SLC12A8: variants seen among roughly 807,000 people sequenced by gnomAD.
SLC12A8 encodes solute carrier family 12 member 8.
In SLC12A8, 69 loss-of-function variants were observed where a neutral mutation model predicts 75.6. The ratio of observed to expected loss-of-function variants is 0.91; its 90% CI spans 0.75 to 1.11. SLC12A8 has a LOEUF of 1.11. Among genes scored for constraint, SLC12A8 ranks in the 50% most tolerant of loss-of-function variants. The pLI, the probability that SLC12A8 is intolerant of heterozygous loss-of-function variation, is 0.00. For synonymous variants in SLC12A8, 365 were observed against 372.8 expected, an observed-to-expected ratio of 0.98 and a Z score of 0.24; for missense variants, 877 against 896.7, an observed-to-expected ratio of 0.98 and a Z score of 0.28.
chr3:125,145,288 TG>T (rs1933745175), intron 5 of SLC12A8, among the ~76,000 whole-genome samples: 1 of 152,156 alleles, frequency 6.6e-6, no homozygotes, highest in Admixed American at 6.5e-5. Flanking sequence ...ATGAGCCAGG[TG>T]GGGGCAGGCA....
At chr3:125,197,902 G>A (rs755304476) in intron 2 of SLC12A8, among the ~76,000 whole-genome samples, 7 of 152,180 alleles carry the variant, frequency 4.6e-5, no homozygotes, top group Non-Finnish European at 1.0e-4. Context: ...GGATTAATGA[G>A]GAAGAGGGTA....
rs140276381 is a variant in SLC12A8, at chr3:125,204,865, A to G, written c.51+6434T>C. The stretch of plus-strand genomic sequence containing the variant: ...CCATAAATACGTATAATTATTATAT[A>G]TCAACTTAAAAATGTTTTAAAATCT... On this transcript the variant is annotated intron_variant, in intron 2 of 13. Coordinates refer to ENST00000469902, the MANE Select transcript of SLC12A8 (RefSeq NM_024628.6). Among the ~76,000 whole-genome samples the G allele has an allele frequency of 3.5e-3, 529 of 152,302 alleles. 2 individuals are homozygous for G. Among genetic ancestry groups the G allele is most frequent in the African/African-American group, 0.012 (499 of 41,540 alleles).
chr3:125,173,452 C>CAAAAA (rs61001520), intron 5 of SLC12A8, among the ~76,000 whole-genome samples: 184 of 79,596 alleles, frequency 2.3e-3, no homozygotes, highest in African/African-American at 6.3e-3. Flanking sequence ...ATTCATGAGC[C>CAAAAA]AAAAAAAAAA....
At chr3:125,135,292 C>G (rs1490759514) in intron 6 of SLC12A8, among the ~76,000 whole-genome samples, 1 of 152,170 alleles carries the variant, frequency 6.6e-6, no homozygotes, top group African/African-American at 2.4e-5. Flanking sequence ...GTGGAAAGAG[C>G]GGCTTGTCCT....
intron 5 of SLC12A8, among the ~76,000 whole-genome samples, chr3:125,143,233 G>A (rs1933691226): frequency 1.3e-5 from 2 of 152,226 alleles, no homozygotes; most frequent in South Asian, 2.1e-4. Context: ...ATTGAACTGG[G>A]TCATAACAAT....
intron 8 of SLC12A8, among the ~76,000 whole-genome samples, chr3:125,115,204 G>C (rs1939279226): frequency 1.3e-5 from 2 of 152,186 alleles, no homozygotes; most frequent in Admixed American, 1.3e-4. Flanking sequence ...CTGGGAGAAA[G>C]TTCCTCTGCA....
chr3:125,152,104 A>C (rs1933938903), intron 5 of SLC12A8, among the ~76,000 whole-genome samples: 1 of 152,210 alleles, frequency 6.6e-6, no homozygotes, highest in South Asian at 2.1e-4. Context: ...GGAATTTGGG[A>C]TTGCAGAGTA....
chr3:125,128,319 T>G (rs1440353515), intron 6 of SLC12A8, among the ~76,000 whole-genome samples: 1 of 145,562 alleles, frequency 6.9e-6, no homozygotes, highest in African/African-American at 2.5e-5. Flanking sequence ...TAGCTGGGAC[T>G]ACAGGCGCCC....
intron 2 of SLC12A8, among the ~76,000 whole-genome samples, chr3:125,202,630 GTTTTTTTTTT>G (rs543411392): frequency 2.7e-5 from 4 of 147,582 alleles, no homozygotes; most frequent in East Asian, 3.9e-4. Flanking sequence ...TATTAACCAT[GTTTTTTTTTT>G]TTTTTTTTTT....
chr3:125,139,383 G>A (rs1933572356), intron 5 of SLC12A8, among the ~76,000 whole-genome samples: 1 of 152,180 alleles, frequency 6.6e-6, no homozygotes, highest in South Asian at 2.1e-4. Flanking sequence ...CCTCACATGG[G>A]CCACTTTCCA....
At chr3:125,086,313 T>C (rs1938460574) in intron 13 of SLC12A8, among the ~76,000 whole-genome samples, 1 of 152,138 alleles carries the variant, frequency 6.6e-6, no homozygotes, top group African/African-American at 2.4e-5. Flanking sequence ...GAGCCTGGTG[T>C]TTGTGTTATG....
At chr3:125,153,108 A>C (rs562312694) in intron 5 of SLC12A8, among the ~76,000 whole-genome samples, 1 of 152,308 alleles carries the variant, frequency 6.6e-6, no homozygotes, top group African/African-American at 2.4e-5. Flanking sequence ...CAAGCTGCGC[A>C]GATTACGTTT....
chr3:125,175,923 G>A (rs900480940), intron 5 of SLC12A8, among the ~76,000 whole-genome samples: 1 of 152,154 alleles, frequency 6.6e-6, no homozygotes, highest in South Asian at 2.1e-4. Context: ...GCATCTGAAG[G>A]TTCCTGGAGA....
chr3:125,106,260 AT>A (rs1939019584), intron 10 of SLC12A8, among the ~76,000 whole-genome samples: 1 of 152,140 alleles, frequency 6.6e-6, no homozygotes, highest in Admixed American at 6.5e-5. Context: ...AAATAAAATA[AT>A]TTTTATTTTT....
chr3:125,170,909 C>T (rs946388799), intron 5 of SLC12A8, among the ~76,000 whole-genome samples: 47 of 151,964 alleles, frequency 3.1e-4, no homozygotes, highest in African/African-American at 9.7e-4. Context: ...AGCGAGACTC[C>T]GTCTCAAACA....
chr3:125,115,739 C>T (rs1179338477), intron 8 of SLC12A8, among the ~76,000 whole-genome samples: 1 of 151,904 alleles, frequency 6.6e-6, no homozygotes, highest in African/African-American at 2.4e-5. Flanking sequence ...GAGAGGAGTG[C>T]ATTTGGGAGC....
chr3:125,134,188 G>A (rs1560062970), intron 6 of SLC12A8, among the ~76,000 whole-genome samples: 1 of 151,970 alleles, frequency 6.6e-6, no homozygotes, highest in African/African-American at 2.4e-5. Flanking sequence ...TGCAACCTCT[G>A]CCTCCCAGGT....
At chr3:125,124,482 A>C (rs561314072) in intron 6 of SLC12A8, among the ~76,000 whole-genome samples, 1 of 152,164 alleles carries the variant, frequency 6.6e-6, no homozygotes, top group African/African-American at 2.4e-5. Flanking sequence ...ACCTTCCACC[A>C]TGTCTGGCTA....
intron 8 of SLC12A8, among the ~76,000 whole-genome samples, chr3:125,112,849 GAC>G (rs1343130750): frequency 6.6e-6 from 1 of 152,186 alleles, no homozygotes; most frequent in Non-Finnish European, 1.5e-5. Context: ...TGTAGAGTGA[GAC>G]ACAGACGTGG....
Sources: allele counts gnomAD v4.1 joint callset (sites outside exome capture counted in the v4.1 genomes callset), GRCh38; gene constraint gnomAD v4.1.1; transcripts MANE v1.5; gene names NCBI Gene and HGNC (gene_info 2026-07-23, HGNC 2026-07-21).